MAP3K9: variants seen among roughly 807,000 people sequenced by gnomAD.
MAP3K9 encodes the protein mixed lineage kinase 1 (tyr and ser/thr specificity).
MAP3K9 carries 46 observed loss-of-function variants against 95.8 expected under a neutral mutation model. The ratio of observed to expected loss-of-function variants is 0.48; its 90% CI spans 0.38 to 0.61. The LOEUF (loss-of-function observed/expected upper bound fraction) is 0.61. Among genes scored for constraint, MAP3K9 ranks in the 20% least tolerant of loss-of-function variants. The pLI is 0.00. For synonymous variants in MAP3K9, 533 were observed against 593.8 expected (o/e 0.90, Z 1.49); for missense variants, 1,296 against 1,474.3 (o/e 0.88, Z 1.98).
At chr14:70,735,870 G>A in intron 9 of MAP3K9, 91 bp downstream of exon 9, 1 of 1,029,358 alleles carries the variant, frequency 9.7e-7, no homozygotes, top group Middle Eastern at 2.0e-4. Flanking sequence ...CAATAACGAG[G>A]CTTGATTCTA....
At chr14:70,737,509 C>T (rs373012222) in intron 8 of MAP3K9, among the ~76,000 whole-genome samples, 7 of 152,164 alleles carry the variant, frequency 4.6e-5, no homozygotes, top group East Asian at 1.9e-4. Context: ...CTCAAGCCCA[C>T]GAGTGAGAAC....
intron 2 of MAP3K9, among the ~76,000 whole-genome samples, chr14:70,777,034 T>C (rs1453618689): frequency 6.6e-6 from 1 of 152,096 alleles, no homozygotes; most frequent in Admixed American, 6.5e-5. Flanking sequence ...TTTCACCTTG[T>C]TGGCCAGGCT....
chr14:70,744,961 A>T (rs1365347822), intron 5 of MAP3K9, among the ~76,000 whole-genome samples: 2 of 152,184 alleles, frequency 1.3e-5, no homozygotes, highest in Non-Finnish European at 2.9e-5. Context: ...ATCCTTACGC[A>T]TGAGTTCACA....
At chr14:70,772,126 G>A (rs773288328) in intron 2 of MAP3K9, among the ~76,000 whole-genome samples, 17 of 152,136 alleles carry the variant, frequency 1.1e-4, no homozygotes, top group Admixed American at 1.3e-4. Flanking sequence ...GTGCTGCCTA[G>A]AGATGGAAGG....
At chr14:70,760,174 T>C (rs10137262) in intron 3 of MAP3K9, among the ~76,000 whole-genome samples, 45,406 of 130,402 alleles carry the variant, frequency 0.35, 7,065 homozygotes, top group East Asian at 0.4. Context: ...CACACACACA[T>C]ACACAGCTCA....
At chr14:70,733,856 G>A (rs1478172343) in intron 10 of MAP3K9, 1 of 716,852 alleles carries the variant, frequency 1.4e-6, no homozygotes, top group Middle Eastern at 2.6e-4. Context: ...TCCTCTCTCT[G>A]TTTCTCCCTT....
intron 7 of MAP3K9, among the ~76,000 whole-genome samples, chr14:70,739,042 G>A (rs1182426285): frequency 6.6e-5 from 10 of 152,166 alleles, no homozygotes; most frequent in South Asian, 2.1e-4. Flanking sequence ...TGGAGTATAC[G>A]GAAGCTGCTA....
intron 1 of MAP3K9, among the ~76,000 whole-genome samples, chr14:70,803,753 T>C (rs1261020595): frequency 1.3e-5 from 2 of 152,208 alleles, no homozygotes; most frequent in Non-Finnish European, 2.9e-5. Context: ...TATCACCTTA[T>C]CCAGCAATCT....
intron 2 of MAP3K9, among the ~76,000 whole-genome samples, chr14:70,774,986 A>C (rs1292767173): frequency 1.6e-4 from 1 of 6,134 alleles, no homozygotes; most frequent in East Asian, 1.7e-3. Context: ...CTGTCCCCAA[A>C]AAAAAAAAAA....
chr14:70,760,096 G>T (rs1304650677), intron 3 of MAP3K9, among the ~76,000 whole-genome samples: 1 of 150,892 alleles, frequency 6.6e-6, no homozygotes, highest in African/African-American at 2.4e-5. Context: ...TAGCTTTACG[G>T]TATGTGAATA....
intron 11 of MAP3K9, among the ~76,000 whole-genome samples, chr14:70,731,321 T>C (rs1050735983): frequency 2.0e-5 from 3 of 152,098 alleles, no homozygotes; most frequent in African/African-American, 7.2e-5. Context: ...TGATGGTCCA[T>C]GCCTGTAGTC....
chr14:70,747,533 A>G (rs1395258131), intron 5 of MAP3K9, among the ~76,000 whole-genome samples: 2 of 152,198 alleles, frequency 1.3e-5, no homozygotes, highest in Non-Finnish European at 1.5e-5. Flanking sequence ...GACTAATATA[A>G]TATTACAACG....
chr14:70,783,298 C>G, intron 2 of MAP3K9: 1 of 971,130 alleles, frequency 1.0e-6, no homozygotes, highest in Non-Finnish European at 1.2e-6. Context: ...AAAGTAAATT[C>G]AAATTAGTCT....
chr14:70,795,810 G>A (rs2054858502), intron 2 of MAP3K9, among the ~76,000 whole-genome samples: 1 of 149,820 alleles, frequency 6.7e-6, no homozygotes, highest in East Asian at 2.0e-4. Flanking sequence ...CCAGGCTGGA[G>A]TGCAGTGGCA....
chr14:70,748,001 G>T (rs921427605), intron 5 of MAP3K9, among the ~76,000 whole-genome samples: 6 of 110,820 alleles, frequency 5.4e-5, no homozygotes, highest in African/African-American at 1.8e-4. Flanking sequence ...CCAGCTACTC[G>T]GGAGGCTGAG....
chr14:70,808,724 T>C, intron 1 of MAP3K9, 42 bp downstream of exon 1: 14 of 715,638 alleles, frequency 2.0e-5, no homozygotes, highest in South Asian at 3.5e-5. Flanking sequence ...CCCCCAGGCC[T>C]CCGTCATTCC....
At chr14:70,788,098 A>G (rs184508692) in intron 2 of MAP3K9, among the ~76,000 whole-genome samples, 1 of 152,254 alleles carries the variant, frequency 6.6e-6, no homozygotes, top group African/African-American at 2.4e-5. Context: ...AAGGACAGAG[A>G]CTTTTCTTTT....
intron 6 of MAP3K9, among the ~76,000 whole-genome samples, chr14:70,741,279 G>A (rs893681558): frequency 4.6e-5 from 7 of 152,020 alleles, no homozygotes; most frequent in Admixed American, 1.3e-4. Context: ...TAATAGAGAC[G>A]GGGTATCTGC....
chr14:70,799,758 A>G (rs953501618), intron 2 of MAP3K9, among the ~76,000 whole-genome samples: 2 of 152,238 alleles, frequency 1.3e-5, no homozygotes, highest in Non-Finnish European at 2.9e-5. Flanking sequence ...AAGCTGAAGG[A>G]TGCAAAGAGA....
Sources: allele counts gnomAD v4.1 joint callset (sites outside exome capture counted in the v4.1 genomes callset), GRCh38; gene constraint gnomAD v4.1.1; transcripts MANE v1.5; gene names NCBI Gene and HGNC (gene_info 2026-07-23, HGNC 2026-07-21).